Variants in GPC6 observed in about 807,000 individuals in gnomAD.
GPC6 encodes glypican 6.
A neutral mutation model predicts 55.2 loss-of-function variants in GPC6; 14 were observed. The ratio of observed to expected loss-of-function variants is 0.25; its 90% confidence interval spans 0.17 to 0.40. GPC6 has a LOEUF of 0.40. GPC6 is among the 10% of genes least tolerant of loss of function. The probability of loss-of-function intolerance (pLI) is 1.00; values close to 1 mark genes in which losing one functional copy is unlikely to be tolerated. For missense variants in GPC6, 641 were observed against 708.5 expected, an observed-to-expected ratio of 0.90 and a Z score of 1.08; for synonymous variants, 278 against 259.6, an observed-to-expected ratio of 1.07 and a Z score of -0.68.
At chr13:93,468,274 A>G (rs1247973348) in intron 1 of GPC6, among the ~76,000 whole-genome samples, 1 of 152,160 alleles carries the variant, frequency 6.6e-6, no homozygotes, top group Non-Finnish European at 1.5e-5. Flanking sequence ...TTTGAATTCA[A>G]AGATATTCCA....
chr13:93,629,049 C>CAA (rs34212412), intron 2 of GPC6, among the ~76,000 whole-genome samples: 62,640 of 145,446 alleles, frequency 0.43, 14,489 homozygotes, highest in Middle Eastern at 0.62. Flanking sequence ...AAAAAAAAAA[C>CAA]AAAAAAAACT....
At chr13:93,926,795 G>A (rs1265772653) in intron 3 of GPC6, among the ~76,000 whole-genome samples, 1 of 38,828 alleles carries the variant, frequency 2.6e-5, no homozygotes, top group Non-Finnish European at 5.0e-5. Context: ...TTAGACATCA[G>A]GTACCCCCTC....
intron 1 of GPC6, among the ~76,000 whole-genome samples, chr13:93,355,033 G>A (rs1272814475): frequency 6.6e-6 from 1 of 152,178 alleles, no homozygotes; most frequent in African/African-American, 2.4e-5. Context: ...GAAGCTATAA[G>A]GAGTCATTGA....
At chr13:93,347,722 A>AT (rs538193939) in intron 1 of GPC6, among the ~76,000 whole-genome samples, 70 of 152,288 alleles carry the variant, frequency 4.6e-4, no homozygotes, top group African/African-American at 1.4e-3. Flanking sequence ...TATTAGTTTC[A>AT]TAATCATAAC....
chr13:93,314,408 C>G (rs1176395385), intron 1 of GPC6, among the ~76,000 whole-genome samples: 1 of 152,062 alleles, frequency 6.6e-6, no homozygotes, highest in Non-Finnish European at 1.5e-5. Context: ...AAGGACAAAA[C>G]ACGGTTAGGT....
intron 1 of GPC6, among the ~76,000 whole-genome samples, chr13:93,523,750 T>C (rs1472689105): frequency 6.6e-6 from 1 of 152,066 alleles, no homozygotes; most frequent in Non-Finnish European, 1.5e-5. Context: ...TGGAATTTTT[T>C]TCTTTGTTCT....
chr13:94,225,765 G>A (rs1390200562), intron 4 of GPC6, among the ~76,000 whole-genome samples: 1 of 151,826 alleles, frequency 6.6e-6, no homozygotes, highest in East Asian at 1.9e-4. Flanking sequence ...CGTGACCAGA[G>A]GCTTGCAGGA....
chr13:93,611,808 A>T (rs2139540802), intron 2 of GPC6, among the ~76,000 whole-genome samples: 1 of 152,300 alleles, frequency 6.6e-6, no homozygotes, highest in South Asian at 2.1e-4. Flanking sequence ...GGGTGCTTTT[A>T]ATTTTAATAA....
intron 1 of GPC6, among the ~76,000 whole-genome samples, chr13:93,389,698 G>A (rs1483536760): frequency 6.6e-6 from 1 of 151,366 alleles, no homozygotes; most frequent in Non-Finnish European, 1.5e-5. Flanking sequence ...CACACAGGTA[G>A]TTTACTATAT....
chr13:93,843,823 G>A (rs1888055920), intron 3 of GPC6, among the ~76,000 whole-genome samples: 1 of 152,074 alleles, frequency 6.6e-6, no homozygotes, highest in African/African-American at 2.4e-5. Flanking sequence ...CCTGAATTCA[G>A]TGCTAGTTGC....
In GPC6 at chr13:93,982,863, A is replaced by G. The variant is rs181285049; in HGVS notation, c.712-44866A>G. On this transcript the variant is annotated intron_variant, in intron 3 of 8. Coordinates refer to ENST00000377047, the MANE Select transcript of GPC6 (RefSeq NM_005708.5). ...GACTGCAGCTCTACTTCCCATAGCT[A>G]TACTCAAAAGATTATAAGATGGGCC... is the stretch of plus-strand genomic sequence containing the variant. Among the ~76,000 whole-genome samples, 14 of 152,242 alleles carry G rather than the reference A, an allele frequency of 9.2e-5. No individual in the cohort carries two copies. The East Asian group carries it at 2.5e-3, about 27-fold the overall frequency.
chr13:93,906,088 G>A (rs895847683), intron 3 of GPC6, among the ~76,000 whole-genome samples: 1 of 152,080 alleles, frequency 6.6e-6, no homozygotes, highest in Non-Finnish European at 1.5e-5. Flanking sequence ...AAGGATGCAG[G>A]GGGTGTCTCA....
At chr13:93,487,632 C>A (rs1426034215) in intron 1 of GPC6, among the ~76,000 whole-genome samples, 1 of 151,990 alleles carries the variant, frequency 6.6e-6, no homozygotes, top group African/African-American at 2.4e-5. Context: ...CTGTCCATAC[C>A]CCTTGTTGCT....
chr13:94,093,821 A>G (rs1434247838), intron 4 of GPC6, among the ~76,000 whole-genome samples: 2 of 152,226 alleles, frequency 1.3e-5, no homozygotes, highest in East Asian at 3.9e-4. Flanking sequence ...AAGTGAAACC[A>G]TCTGGATCTG....
chr13:93,921,534 T>C (rs1429180860), intron 3 of GPC6, among the ~76,000 whole-genome samples: 1 of 152,020 alleles, frequency 6.6e-6, no homozygotes, highest in Admixed American at 6.6e-5. Context: ...GAAGATGATC[T>C]TCCCCTGGAT....
At chr13:93,848,396 G>C (rs910218538) in intron 3 of GPC6, among the ~76,000 whole-genome samples, 1 of 151,552 alleles carries the variant, frequency 6.6e-6, no homozygotes, top group South Asian at 2.1e-4. Context: ...TCCCTTTCCC[G>C]TGCCTTGGTT....
intron 1 of GPC6, among the ~76,000 whole-genome samples, chr13:93,253,199 G>A (rs149175604): frequency 3.7e-4 from 57 of 152,272 alleles, no homozygotes; most frequent in African/African-American, 1.2e-3. Flanking sequence ...GACATTTCCT[G>A]GGAGATAAAG....
At chr13:94,073,926 G>C (rs978259691) in intron 4 of GPC6, among the ~76,000 whole-genome samples, 1 of 152,112 alleles carries the variant, frequency 6.6e-6, no homozygotes. Flanking sequence ...TGACACTTGG[G>C]AAATGGCACT....
upstream of GPC6, among the ~76,000 whole-genome samples, chr13:93,222,741 G>A (rs1297288701): frequency 1.3e-5 from 2 of 152,184 alleles, no homozygotes; most frequent in South Asian, 2.1e-4. Context: ...TTGGTGTATA[G>A]GTTAAGTTGC....
Sources: allele counts gnomAD v4.1 joint callset (sites outside exome capture counted in the v4.1 genomes callset), GRCh38; gene constraint gnomAD v4.1.1; transcripts MANE v1.5; gene names NCBI Gene and HGNC (gene_info 2026-07-23, HGNC 2026-07-21).